Variants in FMN2 observed in about 807,000 individuals in gnomAD.
The protein encoded by FMN2 is formin-2.
FMN2 carries 51 observed loss-of-function variants against 142.3 expected under a neutral mutation model. The ratio of observed to expected loss-of-function variants is 0.36; its 90% CI spans 0.29 to 0.45. FMN2 has a LOEUF of 0.45. Among genes scored for constraint, FMN2 ranks in the 20% least tolerant of loss-of-function variants. The pLI is 1.00. For missense variants in FMN2, 1,936 were observed against 2,122.8 expected (o/e 0.91, Z 1.73); for synonymous variants, 882 against 869.8 (o/e 1.01, Z -0.25).
chr1:240,171,171 A>G, intron 2 of FMN2: 2 of 869,714 alleles, frequency 2.3e-6, no homozygotes, highest in Non-Finnish European at 2.0e-6. Flanking sequence ...TGGTATCTGA[A>G]TATGTGTCTA....
At chr1:240,304,749 C>T (rs1167068344) in intron 8 of FMN2, among the ~76,000 whole-genome samples, 1 of 152,154 alleles carries the variant, frequency 6.6e-6, no homozygotes. Context: ...AAGGTGAGGA[C>T]ATTGGGAGGT....
intron 3 of FMN2, among the ~76,000 whole-genome samples, chr1:240,179,817 C>T (rs1665077829): frequency 1.3e-5 from 2 of 152,116 alleles, no homozygotes; most frequent in African/African-American, 4.8e-5. Context: ...CCTTTTATCC[C>T]ATGTTTTGCA....
chr1:240,366,631 T>A (rs1000290105), intron 14 of FMN2, among the ~76,000 whole-genome samples: 2 of 151,766 alleles, frequency 1.3e-5, no homozygotes, highest in African/African-American at 4.8e-5. Context: ...CCTCCGCCTC[T>A]GTTTAAAGCG....
intron 13 of FMN2, among the ~76,000 whole-genome samples, chr1:240,351,243 G>T (rs1672087970): frequency 6.6e-6 from 1 of 152,270 alleles, no homozygotes; most frequent in South Asian, 2.1e-4. Context: ...TCCGCAGGGG[G>T]TGCACTGTAG....
intron 1 of FMN2, among the ~76,000 whole-genome samples, chr1:240,102,565 C>G (rs1182215544): frequency 6.6e-6 from 1 of 152,024 alleles, no homozygotes; most frequent in Non-Finnish European, 1.5e-5. Flanking sequence ...TTGCAGCTAA[C>G]CAAAATGTTC....
At chr1:240,140,765 C>T (rs1462909395) in intron 2 of FMN2, among the ~76,000 whole-genome samples, 1 of 152,094 alleles carries the variant, frequency 6.6e-6, no homozygotes, top group East Asian at 1.9e-4. Context: ...GAAGAATTTT[C>T]CTCTTTTAAT....
In FMN2 at chr1:240,134,278, A is replaced by G. The variant is rs368278895; in HGVS notation, c.1782+10933A>G. ...TGAGGAGGAACTGGAGAATCTATTC[A>G]GTGAATTGTCTTGAATGATCAAAGG... On this transcript the variant is annotated intron_variant, in intron 2 of 17. Transcript: ENST00000319653. 2.7e-3 allele frequency among the ~76,000 whole-genome samples: 411 copies of G among 152,304 alleles called. 5 individuals carry two copies. Among genetic ancestry groups the G allele is most frequent in the African/African-American group, 9.4e-3 (390 of 41,568 alleles).
chr1:240,333,955 AT>A lies in FMN2; in HGVS notation c.4644+14del, dbSNP rs777179516. On this transcript the variant is annotated intron_variant, in intron 12 of 17. Coordinates refer to ENST00000319653, the MANE Select transcript of FMN2 (RefSeq NM_020066.5). The stretch of plus-strand genomic sequence containing the variant: ...TCCGAAATTTTGATGAGGTAAGACA[AT>A]TTTTACATATAGTCATATTCCATTA... 10 of 1,602,224 alleles carry A rather than the reference AT, an allele frequency of 6.2e-6. No homozygotes were observed. The African/African-American group carries it at 1.2e-4, about 19-fold the overall frequency.
At position 240,206,962 on chromosome 1, in the gene FMN2, C is replaced by T; in HGVS notation, c.2150C>T (p.Ala717Val). The change falls in exon 5 of 18, where the codon GCC becomes GTC. Residue 717 changes from alanine to valine, a missense_variant. Ala to Val is a moderately conservative substitution (Grantham distance 64). This residue lies in a region of FMN2 where 478 missense variants were observed against 462.8 expected (regional missense o/e 1.03). Coordinates refer to ENST00000319653, the MANE Select transcript of FMN2 (RefSeq NM_020066.5). Reference protein sequence around the residue: ...GHQGLENGVTASGDVCLEALR... With the variant: ...GHQGLENGVTVSGDVCLEALR... ...CAAGGGCTTGAGAATGGAGTGACAGCCTCAGGCGATGTCTGTCTCGAAGCT... is the reference window on the plus strand; with the variant it reads ...CAAGGGCTTGAGAATGGAGTGACAGTCTCAGGCGATGTCTGTCTCGAAGCT... 1 of 1,614,112 alleles carries T rather than the reference C, an allele frequency of 6.2e-7. No homozygotes were observed. The highest frequency in any genetic ancestry group is 8.5e-7 in the Non-Finnish European group (1 of 1,180,006).
rs1351295121 is a variant in FMN2, at chr1:240,134,753, C to T, written c.1782+11408C>T. On this transcript the variant is annotated intron_variant, in intron 2 of 17. Transcript: ENST00000319653. Reference sequence around the variant, plus strand: ...TAATTTATTAGTCTGGGAGTTGACTCTGTATTGGATCTCTTCTTCTGGGCT... The same window carrying T: ...TAATTTATTAGTCTGGGAGTTGACTTTGTATTGGATCTCTTCTTCTGGGCT... 3.3e-5 allele frequency among the ~76,000 whole-genome samples: 5 copies of T among 152,192 alleles called. No individual in the cohort carries two copies. In the East Asian group the frequency reaches 9.6e-4, roughly 29 times the overall value.
rs983405923 is a variant in FMN2, at chr1:240,237,250, T to A, written c.4066-20695T>A. On this transcript the variant is annotated intron_variant, in intron 6 of 17. Transcript: ENST00000319653. ...CTGTTGATGGTTCTTGTGCGGATAA[T>A]TAACAGGTATAGTCGGATAAGTTGC... 2.0e-5 allele frequency among the ~76,000 whole-genome samples: 3 copies of A among 152,196 alleles called. No individual in the cohort carries two copies. In the South Asian group the frequency reaches 6.2e-4, roughly 31 times the overall value.
chr1:240,318,486 G>A (rs769863019), intron 8 of FMN2, among the ~76,000 whole-genome samples: 1 of 151,954 alleles, frequency 6.6e-6, no homozygotes, highest in Non-Finnish European at 1.5e-5. Flanking sequence ...GGGATAAATG[G>A]GAAGAAAATA....
At position 240,333,953 on chromosome 1, in the gene FMN2, C is replaced by T. The variant is rs1287706234; in HGVS notation, c.4644+7C>T. 2 of 1,603,224 alleles carry T rather than the reference C, an allele frequency of 1.2e-6. No individual in the cohort carries two copies. The highest frequency in any genetic ancestry group is 1.7e-6 in the Non-Finnish European group (2 of 1,173,720). ...TCTCCGAAATTTTGATGAGGTAAGA[C>T]AATTTTTACATATAGTCATATTCCA... is the stretch of plus-strand genomic sequence containing the variant. On this transcript the variant is annotated splice_region_variant and intron_variant, in intron 12 of 17. Transcript: ENST00000319653.
At chr1:240,384,956 C>G (rs1673362522) in intron 14 of FMN2, among the ~76,000 whole-genome samples, 1 of 152,166 alleles carries the variant, frequency 6.6e-6, no homozygotes, top group African/African-American at 2.4e-5. Flanking sequence ...ATTTGTCTCT[C>G]TCTCCATCTA....
At chr1:240,148,395 AAGACAG>A (rs1663602600) in intron 2 of FMN2, among the ~76,000 whole-genome samples, 3 of 147,998 alleles carry the variant, frequency 2.0e-5, no homozygotes, top group African/African-American at 7.7e-5. Flanking sequence ...GACAGAGAGA[AAGACAG>A]AGAGACAGAG....
chr1:240,143,511 C>T, intron 2 of FMN2: 1 of 1,580,746 alleles, frequency 6.3e-7, no homozygotes, highest in East Asian at 2.2e-5. Flanking sequence ...CTTCCTCCTT[C>T]TCTTTGGAGT....
intron 8 of FMN2, among the ~76,000 whole-genome samples, chr1:240,298,237 T>C (rs1355673599): frequency 6.6e-6 from 1 of 152,176 alleles, no homozygotes; most frequent in East Asian, 1.9e-4. Flanking sequence ...TTAGTTTAGG[T>C]AGTACCAGGT....
chr1:240,257,751 G>A (rs1668494433), intron 6 of FMN2, among the ~76,000 whole-genome samples, 194 bp from the exon 7 acceptor site: 1 of 151,968 alleles, frequency 6.6e-6, no homozygotes, highest in Admixed American at 6.6e-5. Context: ...GGAAAATGGT[G>A]GATTTTGAAG....
At chr1:240,448,581 T>G (rs1675902786) in intron 16 of FMN2, among the ~76,000 whole-genome samples, 1 of 152,052 alleles carries the variant, frequency 6.6e-6, no homozygotes, top group Non-Finnish European at 1.5e-5. Context: ...TTTGGGAGGC[T>G]GAGGGAGGAC....
Sources: allele counts gnomAD v4.1 joint callset (sites outside exome capture counted in the v4.1 genomes callset), GRCh38; gene constraint gnomAD v4.1.1; regional missense constraint gnomAD v4.1.1; transcripts MANE v1.5; gene names NCBI Gene and HGNC (gene_info 2026-07-23, HGNC 2026-07-21).